DLG2: variants seen among roughly 807,000 people sequenced by gnomAD.
The protein encoded by DLG2 is disks large homolog 2.
A neutral mutation model predicts 132.5 loss-of-function variants in DLG2; 45 were observed. That is an observed-to-expected ratio of 0.34 (90% confidence interval 0.27 to 0.44). The LOEUF (loss-of-function observed/expected upper bound fraction) is 0.44, where lower values mean the gene tolerates loss of function less well. DLG2 is among the 20% of genes least tolerant of loss of function. The pLI is 1.00. For missense variants in DLG2, 1,045 were observed against 1,196.9 expected, an observed-to-expected ratio of 0.87 and a Z score of 1.87; for synonymous variants, 424 against 419.6, an observed-to-expected ratio of 1.01 and a Z score of -0.13.
intron 5 of DLG2, among the ~76,000 whole-genome samples, chr11:85,152,604 A>T (rs1318733379): frequency 6.6e-6 from 1 of 152,202 alleles, no homozygotes; most frequent in African/African-American, 2.4e-5. Context: ...ATTAATATCT[A>T]ATCAGTCTCT....
At chr11:84,898,855 C>T (rs1025311855) in intron 6 of DLG2, among the ~76,000 whole-genome samples, 1 of 152,022 alleles carries the variant, frequency 6.6e-6, no homozygotes, top group African/African-American at 2.4e-5. Flanking sequence ...TGAATTTAGT[C>T]ATTTGTGTAG....
chr11:84,309,077 C>T (rs1458998593), intron 7 of DLG2, among the ~76,000 whole-genome samples: 1 of 152,152 alleles, frequency 6.6e-6, no homozygotes, highest in African/African-American at 2.4e-5. Context: ...GCTGCGAGGA[C>T]TGCCAGCACG....
chr11:84,374,175 T>C (rs1359212767), intron 7 of DLG2, among the ~76,000 whole-genome samples: 1 of 152,206 alleles, frequency 6.6e-6, no homozygotes, highest in Non-Finnish European at 1.5e-5. Flanking sequence ...TAGTCCTTCC[T>C]GGGTTTTAAG....
At chr11:85,479,663 G>C (rs1378338711) in intron 3 of DLG2, among the ~76,000 whole-genome samples, 1 of 152,134 alleles carries the variant, frequency 6.6e-6, no homozygotes, top group Non-Finnish European at 1.5e-5. Context: ...CATATTCATT[G>C]AATTGGTTTG....
chr11:85,039,561 T>A (rs1010805731), intron 6 of DLG2, among the ~76,000 whole-genome samples: 1 of 151,956 alleles, frequency 6.6e-6, no homozygotes, highest in Admixed American at 6.6e-5. Context: ...CATAGTTATA[T>A]ATGTTAAATA....
intron 2 of DLG2, among the ~76,000 whole-genome samples, chr11:85,601,631 G>A (rs994500646): frequency 6.6e-6 from 1 of 152,120 alleles, no homozygotes; most frequent in South Asian, 2.1e-4. Flanking sequence ...CAGCCACCGT[G>A]CCAGGCTTTA....
rs73499172 is a variant in DLG2 at position 85,534,709 on chromosome 11, T to C, written c.40+63948A>G. Among the ~76,000 whole-genome samples the C allele has an allele frequency of 2.1e-3, 315 of 152,368 alleles. 1 individual carries two copies. Among genetic ancestry groups the C allele is most frequent in the African/African-American group, 7.3e-3 (302 of 41,598 alleles). ...AATATCAGTATTCCATGTGTGTATATGTACCACATTTCCTTTACGTATTCC... is the reference window on the plus strand; with the variant it reads ...AATATCAGTATTCCATGTGTGTATACGTACCACATTTCCTTTACGTATTCC... On this transcript the variant is annotated intron_variant, in intron 3 of 27. Transcript: ENST00000376104.
chr11:84,403,167 T>C (rs1465229561), intron 7 of DLG2, among the ~76,000 whole-genome samples: 1 of 152,092 alleles, frequency 6.6e-6, no homozygotes, highest in Non-Finnish European at 1.5e-5. Context: ...AGATAATTGT[T>C]AGTAGGTTAA....
chr11:85,166,863 A>G (rs2078488974), intron 4 of DLG2, among the ~76,000 whole-genome samples: 1 of 152,142 alleles, frequency 6.6e-6, no homozygotes, highest in South Asian at 2.1e-4. Flanking sequence ...ATATTTGCCA[A>G]CTTTACTTTA....
At chr11:85,124,553 G>C (rs1236051358) in intron 5 of DLG2, among the ~76,000 whole-genome samples, 1 of 152,178 alleles carries the variant, frequency 6.6e-6, no homozygotes, top group East Asian at 1.9e-4. Context: ...AGGATAAAGT[G>C]AGTTTACTAA....
intron 7 of DLG2, among the ~76,000 whole-genome samples, chr11:84,407,415 G>A (rs1318439824): frequency 6.6e-6 from 1 of 151,974 alleles, no homozygotes; most frequent in Non-Finnish European, 1.5e-5. Flanking sequence ...CATCCTCCAT[G>A]CCATCTGACT....
intron 7 of DLG2, among the ~76,000 whole-genome samples, chr11:84,371,426 T>C (rs2098705995): frequency 6.6e-6 from 1 of 151,896 alleles, no homozygotes; most frequent in Admixed American, 6.6e-5. Context: ...TGGCTAATTT[T>C]TTGTATAGAC....
At chr11:83,482,874 T>C (rs987870025) in intron 22 of DLG2, among the ~76,000 whole-genome samples, 1 of 152,078 alleles carries the variant, frequency 6.6e-6, no homozygotes, top group Non-Finnish European at 1.5e-5. Flanking sequence ...ATAAAGTACA[T>C]TTCTGTTTTG....
intron 3 of DLG2, among the ~76,000 whole-genome samples, chr11:85,585,194 G>A (rs2078888455): frequency 6.6e-6 from 1 of 152,138 alleles, no homozygotes; most frequent in Non-Finnish European, 1.5e-5. Context: ...TGAGAGATGA[G>A]GATCCAGTTT....
chr11:84,026,670 A>G (rs915549367), intron 11 of DLG2, among the ~76,000 whole-genome samples: 1 of 152,136 alleles, frequency 6.6e-6, no homozygotes, highest in African/African-American at 2.4e-5. Flanking sequence ...GACTCAATGA[A>G]TAAATGAACA....
chr11:85,626,441 AAAT>A (rs1188243386), intron 2 of DLG2, 143 bp downstream of exon 2: 4 of 152,218 alleles, frequency 2.6e-5, no homozygotes, highest in African/African-American at 7.2e-5. Flanking sequence ...TACTTTAGTA[AAAT>A]AATATTACTG....
At chr11:84,701,517 T>C (rs2153742428) in intron 6 of DLG2, among the ~76,000 whole-genome samples, 1 of 151,766 alleles carries the variant, frequency 6.6e-6, no homozygotes, top group South Asian at 2.1e-4. Context: ...TCACCCTGGA[T>C]ACTTCTTGTG....
intron 7 of DLG2, among the ~76,000 whole-genome samples, chr11:84,318,848 T>C (rs1036232948): frequency 2.0e-5 from 3 of 152,052 alleles, no homozygotes; most frequent in African/African-American, 7.2e-5. Context: ...TTTCACACCG[T>C]CCACCACAAA....
At chr11:84,711,001 T>C in intron 6 of DLG2, among the ~76,000 whole-genome samples, 1 of 62,372 alleles carries the variant, frequency 1.6e-5, no homozygotes, top group Non-Finnish European at 3.2e-5. Context: ...TACATTCATA[T>C]ATATATAGAT....
Sources: gnomAD v4.1 joint callset for allele counts (sites outside exome capture counted in the v4.1 genomes callset) on GRCh38, gnomAD v4.1.1 for gene constraint, MANE v1.5 for transcripts, NCBI Gene and HGNC (gene_info 2026-07-23, HGNC 2026-07-21) for gene names.